PHF12: variants seen among roughly 807,000 people sequenced by gnomAD.
PHF12 encodes the protein PHD factor 1.
PHF12 carries 6 observed loss-of-function variants against 99.8 expected under a neutral mutation model. That is an observed-to-expected ratio of 0.06 (90% CI 0.03 to 0.12). The LOEUF (loss-of-function observed/expected upper bound fraction) is 0.12. Ranked by LOEUF, PHF12 falls within the 10% of genes least tolerant of loss-of-function variation. The probability of loss-of-function intolerance (pLI) is 1.00; values close to 1 mark genes in which losing one functional copy is unlikely to be tolerated. For synonymous variants in PHF12, 480 were observed against 514.9 expected, an observed-to-expected ratio of 0.93 and a Z score of 0.92; for missense variants, 954 against 1,300.1, an observed-to-expected ratio of 0.73 and a Z score of 4.09.
At chr17:28,914,431 G>C (rs1598123958) in intron 7 of PHF12, among the ~76,000 whole-genome samples, 2 of 152,086 alleles carry the variant, frequency 1.3e-5, no homozygotes, top group South Asian at 4.1e-4. Flanking sequence ...CCAGCACTTT[G>C]GGAGGCCGAG....
rs962600523 is a variant in PHF12, at chr17:28,949,028, G to A, written c.248+1037C>T. On this transcript the variant is annotated intron_variant, in intron 2 of 14. Coordinates refer to ENST00000332830, the MANE Select transcript of PHF12 (RefSeq NM_001033561.2). The surrounding 1 kb of genome is among the most constrained non-coding windows in gnomAD (Gnocchi z 4.6). Reference sequence around the variant, plus strand: ...TTGTCCTGGGCTGAGCCGCTGAGGAGGATCACGCAGCGGGCGATCAACTCA... The same window carrying A: ...TTGTCCTGGGCTGAGCCGCTGAGGAAGATCACGCAGCGGGCGATCAACTCA... Among the ~76,000 whole-genome samples the A allele has an allele frequency of 6.6e-6, 1 of 152,128 alleles. No individual in the cohort carries two copies. Among genetic ancestry groups the A allele is most frequent in the African/African-American group, 2.4e-5 (1 of 41,430 alleles).
chr17:28,931,502 C>T (rs2040405120), intron 2 of PHF12, among the ~76,000 whole-genome samples: 1 of 151,724 alleles, frequency 6.6e-6, no homozygotes, highest in African/African-American at 2.4e-5. Context: ...AGTGATCCAC[C>T]CACCTCAGCC....
chr17:28,907,059 G>A (rs1312382623), intron 13 of PHF12, 65 bp from the exon 14 acceptor site: 4 of 1,521,820 alleles, frequency 2.6e-6, no homozygotes, highest in Non-Finnish European at 2.7e-6. Context: ...TAAGGGGAGA[G>A]AGGACATATG....
chr17:28,923,394 GCA>G (rs1402811796), intron 4 of PHF12, among the ~76,000 whole-genome samples: 11 of 150,348 alleles, frequency 7.3e-5, no homozygotes, highest in African/African-American at 2.7e-4. Flanking sequence ...GTGGTGACTC[GCA>G]CCTGTAATCC....
chr17:28,906,605 C>T lies in PHF12; in HGVS notation c.2681-88G>A, dbSNP rs2039875947. On this transcript the variant is annotated intron_variant, in intron 14 of 14. Transcript: ENST00000332830. This position sits in a 1 kb window ranked among gnomAD's most constrained non-coding sequence, Gnocchi z 4.2. ...TGCCAAGGTTGGGCTCCTGCATCTCCCCATTCCAACTGCTGCATGACTAGG... is the reference window on the plus strand; with the variant it reads ...TGCCAAGGTTGGGCTCCTGCATCTCTCCATTCCAACTGCTGCATGACTAGG... The T allele has an allele frequency of 4.3e-6, 6 of 1,387,140 alleles. No homozygotes were observed. The highest frequency in any genetic ancestry group is 5.9e-6 in the Non-Finnish European group (6 of 1,019,974). The allele number at this position is 1,387,140 out of a possible 1,614,324, so 85.9% of individuals were successfully genotyped here.
chr17:28,934,011 C>T (rs1234963227), intron 2 of PHF12, among the ~76,000 whole-genome samples: 1 of 152,142 alleles, frequency 6.6e-6, no homozygotes, highest in South Asian at 2.1e-4. Context: ...CACACGACTA[C>T]ACCCCAACCT....
chr17:28,943,229 A>C (rs1435044877), intron 2 of PHF12, among the ~76,000 whole-genome samples: 1 of 152,228 alleles, frequency 6.6e-6, no homozygotes, highest in Admixed American at 6.5e-5. Context: ...AAAATAATGC[A>C]GCTTCTTTGG....
At chr17:28,926,712 A>C (rs2040280248) in intron 3 of PHF12, 2 of 1,247,616 alleles carry the variant, frequency 1.6e-6, no homozygotes, top group East Asian at 6.5e-5. Flanking sequence ...GCCACTTATT[A>C]GGAGGACAAC....
Position 28,924,078 on chromosome 17 carries a change from A to C in PHF12, c.546T>G (p.Asp182Glu), listed in dbSNP as rs140151071. The C allele has an allele frequency of 1.2e-5, 20 of 1,614,174 alleles. No individual in the cohort carries two copies. The highest frequency in any genetic ancestry group is 1.7e-5 in the Non-Finnish European group (20 of 1,180,028). The change falls in exon 4 of 15, where the codon GAT becomes GAG. Residue 182 changes from aspartate (D) to glutamate (E), a missense_variant. Coordinates refer to ENST00000332830, the MANE Select transcript of PHF12 (RefSeq NM_001033561.2). ...CCACGTCAATGATGTCTTCGTCGAC[A>C]TCATTCTGCTCAGAGGTGGGAGTCT... ...STETPTSEQN[D>E]VDEDIIDVDE...
chr17:28,929,305 C>T lies in PHF12; in HGVS notation c.249-2242G>A, dbSNP rs189492267. Reference sequence around the variant, plus strand: ...TTGCCCAGGCTGGAGTGCAATGGTGCGATCTTGGCTCACTGCAACCTCCGC... The same window carrying T: ...TTGCCCAGGCTGGAGTGCAATGGTGTGATCTTGGCTCACTGCAACCTCCGC... On this transcript the variant is annotated intron_variant, in intron 2 of 14. Coordinates refer to ENST00000332830, the MANE Select transcript of PHF12 (RefSeq NM_001033561.2). Among the ~76,000 whole-genome samples the T allele has an allele frequency of 6.1e-3, 919 of 151,062 alleles. 5 individuals are homozygous for T. The highest frequency in any genetic ancestry group is 0.014 in the Middle Eastern group (4 of 294).
Position 28,942,372 on chromosome 17 carries a change from T to A in PHF12, c.248+7693A>T, listed in dbSNP as rs147487896. ...CTATCTCTACAAAAAAAGGAAAAAA[T>A]TAGCCGGGTGTAGTGGCAAATGCCT... On this transcript the variant is annotated intron_variant, in intron 2 of 14. Transcript: ENST00000332830. Among the ~76,000 whole-genome samples, 390 of 151,868 alleles carry A rather than the reference T, an allele frequency of 2.6e-3. 1 individual carries two copies. The highest frequency in any genetic ancestry group is 4.3e-3 in the Non-Finnish European group (291 of 67,946).
In PHF12 at chr17:28,911,185, G is replaced by C; in HGVS notation, c.2142C>G (p.Pro714=). 1 of 1,614,216 alleles carries C rather than the reference G, an allele frequency of 6.2e-7. No individual in the cohort carries two copies. Among genetic ancestry groups the C allele is most frequent in the Non-Finnish European group, 8.5e-7 (1 of 1,180,034 alleles). Residue 714 remains proline, a synonymous_variant, in exon 10 of 15, where the codon CCC becomes CCG. Transcript: ENST00000332830. ...TGGCAGTAGAGTTGGCTGGGAAAGA[G>C]GGTACGGTTAAAGCGCTTCCTATGG... ...TLSIGSALTV[P]SFPANSTAMV...
chr17:28,951,163 G>C lies in PHF12; in HGVS notation c.-203C>G, dbSNP rs988782448. 1.4e-6 allele frequency: 2 copies of C among 1,427,600 alleles called. No individual in the cohort carries two copies. The highest frequency in any genetic ancestry group is 5.7e-5 in the Admixed American group (2 of 34,888). 88.4% of individuals were successfully genotyped at this position (1,427,600 alleles called of 1,614,324 possible). A position where few individuals can be genotyped will look rare whatever the true frequency, so the allele number is the denominator to read the frequency against. On this transcript the variant is annotated 5_prime_UTR_variant, in exon 1 of 15. Transcript: ENST00000332830. ...GTCCTCCCGACGGGCCGCGAGGGGG[G>C]AGCGGCCCCTCAGTCCCGGCCCGGC... is the stretch of plus-strand genomic sequence containing the variant.
intron 2 of PHF12, among the ~76,000 whole-genome samples, chr17:28,943,991 T>C (rs2040672630): frequency 6.6e-6 from 1 of 152,228 alleles, no homozygotes; most frequent in African/African-American, 2.4e-5. Context: ...GACAATTTAT[T>C]GAACATTACT....
chr17:28,906,829 T>C lies in PHF12; in HGVS notation c.2680+27A>G, dbSNP rs199832589. On this transcript the variant is annotated intron_variant, in intron 14 of 14. Coordinates refer to ENST00000332830, the MANE Select transcript of PHF12 (RefSeq NM_001033561.2). The surrounding 1 kb of genome is among the most constrained non-coding windows in gnomAD (Gnocchi z 4.2). ...CACCCTGACTGGGGCCTCAGCTTTG[T>C]GGCCACAGATCTCTGCTCCAACTTA... 6.4e-7 allele frequency: 1 copy of C among 1,571,440 alleles called. No homozygotes were observed. The highest frequency in any genetic ancestry group is 8.6e-7 in the Non-Finnish European group (1 of 1,156,354).
At chr17:28,931,581 C>CT (rs925846147) in intron 2 of PHF12, among the ~76,000 whole-genome samples, 92 of 148,246 alleles carry the variant, frequency 6.2e-4, no homozygotes, top group Non-Finnish European at 1.0e-3. Context: ...TTAAGATCTG[C>CT]TTTTTTTTTG....
intron 5 of PHF12, among the ~76,000 whole-genome samples, chr17:28,920,934 C>T (rs1242161375): frequency 1.3e-5 from 2 of 151,954 alleles, no homozygotes; most frequent in Non-Finnish European, 1.5e-5. Context: ...AGTGCAGTGG[C>T]GCGATCTTGG....
At chr17:28,948,852 C>T (rs929351615) in intron 2 of PHF12, among the ~76,000 whole-genome samples, 3 of 152,160 alleles carry the variant, frequency 2.0e-5, no homozygotes, top group African/African-American at 7.2e-5. Flanking sequence ...TCTCTCAAAC[C>T]CCTGCCTCAG....
At chr17:28,928,749 T>C (rs1442175880) in intron 2 of PHF12, among the ~76,000 whole-genome samples, 1 of 151,944 alleles carries the variant, frequency 6.6e-6, no homozygotes, top group Non-Finnish European at 1.5e-5. Context: ...GTCATTGCAC[T>C]CCAGCCTGCG....
Sources: allele counts gnomAD v4.1 joint callset (sites outside exome capture counted in the v4.1 genomes callset), GRCh38; gene constraint gnomAD v4.1.1; non-coding constraint Gnocchi (gnomAD v3.1); transcripts MANE v1.5; gene names NCBI Gene and HGNC (gene_info 2026-07-23, HGNC 2026-07-21).